Variants in FAM9B observed in about 807,000 individuals in gnomAD.
FAM9B encodes the protein protein FAM9B.
A neutral mutation model predicts 16.6 loss-of-function variants in FAM9B; 18 were observed. That is an observed-to-expected ratio of 1.09 (90% confidence interval 0.75 to 1.61). FAM9B has a LOEUF of 1.61. Among genes scored for constraint, FAM9B ranks in the 40% most tolerant of loss-of-function variants. The pLI, the probability that FAM9B is intolerant of heterozygous loss-of-function variation, is 0.00. For synonymous variants in FAM9B, 43 were observed against 42.6 expected (o/e 1.01, Z -0.03); for missense variants, 155 against 136.0 (o/e 1.14, Z -0.70).
At position 9,033,158 on chromosome X, in the gene FAM9B, G is replaced by A. The variant is rs766519675; in HGVS notation, c.-89-83C>T. 6 of 1,162,637 alleles carry A rather than the reference G, an allele frequency of 5.2e-6. No individual in the cohort carries two copies. The Admixed American group carries it at 1.3e-4, about 25-fold the overall frequency. On this transcript the variant is annotated intron_variant, in intron 1 of 8. Transcript: ENST00000327220. Reference sequence around the variant, plus strand: ...GCCATTGGGATCACAGGTTCAAGAAGGGTGGGGCTGGCCCGCCCTGGGTCT... The same window carrying A: ...GCCATTGGGATCACAGGTTCAAGAAAGGTGGGGCTGGCCCGCCCTGGGTCT...
At position 9,025,543 on chromosome X, in the gene FAM9B, G is replaced by GA. The variant is rs752791732; in HGVS notation, c.532dup (p.Ser178PhefsTer3). 9.9e-6 allele frequency: 12 copies of GA among 1,206,461 alleles called. No homozygotes were observed. The highest frequency in any genetic ancestry group is 2.2e-5 in the Admixed American group (1 of 45,277). Reference sequence around the variant, plus strand: ...GTTATCAAGTTCACTGTCTTCATCGGAAAAAACTCTGTCACAAAGGTCTTC... The same window carrying GA: ...GTTATCAAGTTCACTGTCTTCATCGGAAAAAAACTCTGTCACAAAGGTCTTC... On this transcript the variant is annotated frameshift_variant, in exon 8 of 9. Transcript: ENST00000327220. LOFTEE classifies it high-confidence loss of function.
At chrX:9,031,662 A>T (rs1921076753) in intron 4 of FAM9B, 1 of 112,506 alleles carries the variant, frequency 8.9e-6, no homozygotes, top group Non-Finnish European at 1.9e-5. Context: ...AAGACCACCC[A>T]TCAGGTACTA....
Position 9,029,329 on chromosome X carries a change from T to A in FAM9B, c.371A>T (p.Glu124Val). The A allele has an allele frequency of 5.1e-6, 6 of 1,186,798 alleles. No homozygotes were observed. Among genetic ancestry groups the A allele is most frequent in the Non-Finnish European group, 6.8e-6 (6 of 876,760 alleles). ...TDEQKEEEEEEGEEEELIRIF... is the reference protein window; with the variant it reads ...TDEQKEEEEEVGEEEELIRIF... ...AACAATTAGTTCTTCCTCTTCTCCC[T>A]CTTCTTCTTCTTCCTCTTTCTGCTC... is the stretch of plus-strand genomic sequence containing the variant. Residue 124 changes from glutamate (E) to valine (V), a missense_variant, in exon 6 of 9, where the codon GAG (glutamate) becomes GTG (valine). Coordinates refer to ENST00000327220, the MANE Select transcript of FAM9B (RefSeq NM_205849.3).
chrX:9,031,341 A>G (rs1403144552), intron 4 of FAM9B: 2 of 111,841 alleles, frequency 1.8e-5, no homozygotes, highest in Non-Finnish European at 3.8e-5. Context: ...TGTAACTAAT[A>G]TTTCACACAG....
intron 7 of FAM9B, among the ~76,000 whole-genome samples, chrX:9,027,404 T>G (rs989229853): frequency 1.8e-5 from 2 of 111,535 alleles, no homozygotes; most frequent in African/African-American, 6.5e-5. Flanking sequence ...CACCATAGAT[T>G]TGTCATTGAT....
At chrX:9,032,890 G>A (rs1921128686) in intron 2 of FAM9B, 69 bp downstream of exon 2, 2 of 1,180,783 alleles carry the variant, frequency 1.7e-6, no homozygotes, top group Non-Finnish European at 2.3e-6. Context: ...TGTGCCCCCA[G>A]CGCAGAAAGC....
At position 9,030,847 on chromosome X, in the gene FAM9B, G is replaced by T. The variant is rs1040907559; in HGVS notation, c.182-487C>A. 6 of 112,136 alleles carry T rather than the reference G, an allele frequency of 5.4e-5. 1 individual carries two copies. Among genetic ancestry groups the T allele is most frequent in the African/African-American group, 1.6e-4 (5 of 30,879 alleles). The allele number at this position is 112,136 out of a possible 1,213,427, so 9.2% of individuals were successfully genotyped here. A position where few individuals can be genotyped will look rare whatever the true frequency, so the allele number is the denominator to read the frequency against. The stretch of plus-strand genomic sequence containing the variant: ...AAGAAAAGCATTTTTAAGCAATCTA[G>T]TGATTGATGCTATTAACTGTATTTT... On this transcript the variant is annotated intron_variant, in intron 4 of 8. Coordinates refer to ENST00000327220, the MANE Select transcript of FAM9B (RefSeq NM_205849.3).
chrX:9,029,163 T>C, intron 6 of FAM9B, 144 bp downstream of exon 6: 2 of 461,024 alleles, frequency 4.3e-6, no homozygotes. Flanking sequence ...GTGGCAATTA[T>C]ATTCCCCTAG....
intron 7 of FAM9B, 41 bp from the exon 8 acceptor site, chrX:9,025,624 A>G: frequency 1.9e-6 from 2 of 1,027,557 alleles, no homozygotes; most frequent in Non-Finnish European, 2.7e-6. Flanking sequence ...CCACCACTTT[A>G]TATCTCGCAT....
At position 9,032,559 on chromosome X, in the gene FAM9B, G is replaced by T. The variant is rs1019589796; in HGVS notation, c.29-98C>A. On this transcript the variant is annotated intron_variant, in intron 2 of 8. Transcript: ENST00000327220. ...TACTAGTTGTAGACTTTTTTGGGGGGGGGGGGCTCTCTGCCAATTAAAGCT... is the reference window on the plus strand; with the variant it reads ...TACTAGTTGTAGACTTTTTTGGGGGTGGGGGGCTCTCTGCCAATTAAAGCT... 14 of 555,340 alleles carry T rather than the reference G, an allele frequency of 2.5e-5. 1 individual carries two copies. The highest frequency in any genetic ancestry group is 7.1e-5 in the Admixed American group (2 of 28,361). 45.8% of individuals were successfully genotyped at this position (555,340 alleles called of 1,213,427 possible).
Position 9,029,543 on chromosome X carries a change from A to G in FAM9B, c.282-125T>C, listed in dbSNP as rs1021696189. 5 of 428,304 alleles carry G rather than the reference A, an allele frequency of 1.2e-5. No individual in the cohort carries two copies. The African/African-American group carries it at 1.3e-4, about 11-fold the overall frequency. The allele number at this position is 428,304 out of a possible 1,213,427, so 35.3% of individuals were successfully genotyped here. Reference sequence around the variant, plus strand: ...TAGCAAGGGAGTAATAGCAGCTGAAATCTTCTTTTTGGAAAAAAGTGAAAT... The same window carrying G: ...TAGCAAGGGAGTAATAGCAGCTGAAGTCTTCTTTTTGGAAAAAAGTGAAAT... On this transcript the variant is annotated intron_variant, in intron 5 of 8. Transcript: ENST00000327220.
At chrX:9,032,553 TGGGG>T in intron 2 of FAM9B, 92 bp from the exon 3 acceptor site, 2 of 296,472 alleles carry the variant, frequency 6.7e-6, no homozygotes, top group African/African-American at 2.8e-5. Flanking sequence ...TAGACTTTTT[TGGGG>T]GGGGGGGGCT....
At chrX:9,028,640 C>T (rs1035143563) in intron 6 of FAM9B, among the ~76,000 whole-genome samples, 1 of 111,798 alleles carries the variant, frequency 8.9e-6, no homozygotes, top group African/African-American at 3.2e-5. Flanking sequence ...TGTCTCCTTT[C>T]GTAGATAAGA....
rs749313222 is a variant in FAM9B at position 9,024,410 on chromosome X, GACCAAA to G, written c.*993_*998del. 9.0e-6 allele frequency: 1 copy of G among 111,679 alleles called. No homozygotes were observed. The highest frequency in any genetic ancestry group is 2.8e-4 in the East Asian group (1 of 3,559). 9.2% of individuals were successfully genotyped at this position (111,679 alleles called of 1,213,427 possible). A position where few individuals can be genotyped will look rare whatever the true frequency, so the allele number is the denominator to read the frequency against. ...TAAGGGGAGGTATCATTGAATGATGGACCAAAACAAACTAAATAGCATTTTGATGTC... is the reference window on the plus strand; with the variant it reads ...TAAGGGGAGGTATCATTGAATGATGGACAAACTAAATAGCATTTTGATGTC... On this transcript the variant is annotated 3_prime_UTR_variant, in exon 9 of 9. Coordinates refer to ENST00000327220, the MANE Select transcript of FAM9B (RefSeq NM_205849.3).
chrX:9,031,890 T>C, intron 4 of FAM9B: 1 of 357,176 alleles, frequency 2.8e-6, no homozygotes, highest in Non-Finnish European at 4.9e-6. Context: ...TTTCCACATG[T>C]ATGAAAGAAA....
At chrX:9,032,312 G>A (rs1921099682) in intron 3 of FAM9B, 29 bp downstream of exon 3, 2 of 1,210,131 alleles carry the variant, frequency 1.7e-6, no homozygotes, top group Middle Eastern at 2.3e-4. Flanking sequence ...GACCCTATCC[G>A]ACAGGCAAAA....
chrX:9,027,768 A>G, intron 7 of FAM9B, 100 bp downstream of exon 7: 2 of 631,764 alleles, frequency 3.2e-6, no homozygotes, highest in Admixed American at 2.5e-5. Context: ...TTTGAAATGT[A>G]TAATCAAATG....
At position 9,030,533 on chromosome X, in the gene FAM9B, T is replaced by C. The variant is rs868201631; in HGVS notation, c.182-173A>G. 8 of 361,207 alleles carry C rather than the reference T, an allele frequency of 2.2e-5. No homozygotes were observed. In the Middle Eastern group the frequency reaches 3.0e-3, roughly 136 times the overall value. 29.8% of individuals were successfully genotyped at this position (361,207 alleles called of 1,213,427 possible). A position where few individuals can be genotyped will look rare whatever the true frequency, so the allele number is the denominator to read the frequency against. ...AAAAAGCAAGATTTACTCACTTATTTTCTGTAAAACCTTTCAGGTATTAAC... is the reference window on the plus strand; with the variant it reads ...AAAAAGCAAGATTTACTCACTTATTCTCTGTAAAACCTTTCAGGTATTAAC... On this transcript the variant is annotated intron_variant, in intron 4 of 8. Coordinates refer to ENST00000327220, the MANE Select transcript of FAM9B (RefSeq NM_205849.3).
Position 9,029,284 on chromosome X carries a change from A to G in FAM9B, c.393+23T>C, listed in dbSNP as rs1044752211. The G allele has an allele frequency of 4.5e-6, 5 of 1,102,854 alleles. No homozygotes were observed. In the Admixed American group the frequency reaches 1.1e-4, roughly 25 times the overall value. 90.9% of individuals were successfully genotyped at this position (1,102,854 alleles called of 1,213,427 possible). On this transcript the variant is annotated intron_variant, in intron 6 of 8. Transcript: ENST00000327220. ...GAGACACTGACATAACAGGTTATAC[A>G]TAAAGCTAAGCATGATACCAACAAT...
Sources: gnomAD v4.1 joint callset for allele counts (sites outside exome capture counted in the v4.1 genomes callset) on GRCh38, gnomAD v4.1.1 for gene constraint, MANE v1.5 for transcripts, NCBI Gene and HGNC (gene_info 2026-07-23, HGNC 2026-07-21) for gene names.